The following NWD1 variants were observed in gnomAD, a reference collection of about 807,000 sequenced individuals.
NWD1 encodes the protein NACHT and WD repeat domain containing 1, also known as NACHT domain- and WD repeat-containing protein 1.
In NWD1, 129 loss-of-function variants were observed where a neutral mutation model predicts 135.1. The ratio of observed to expected loss-of-function variants is 0.96; its 90% CI spans 0.83 to 1.11. The LOEUF (loss-of-function observed/expected upper bound fraction) is 1.11, where lower values mean the gene tolerates loss of function less well. Among genes scored for constraint, NWD1 ranks in the 50% least tolerant of loss-of-function variants. The pLI, the probability that NWD1 is intolerant of heterozygous loss-of-function variation, is 0.00. For missense variants in NWD1, 1,740 were observed against 1,851.3 expected (o/e 0.94, Z 1.10); for synonymous variants, 773 against 786.0 (o/e 0.98, Z 0.28).
At chr19:16,797,636 C>A in intron 15 of NWD1, 96 bp from the exon 16 acceptor site, 1 of 1,174,942 alleles carries the variant, frequency 8.5e-7, no homozygotes, top group Non-Finnish European at 1.2e-6. Context: ...GCATGAACCA[C>A]CACATCCGGC....
chr19:16,778,094 G>A (rs74706248), intron 11 of NWD1, among the ~76,000 whole-genome samples: 1 of 151,962 alleles, frequency 6.6e-6, no homozygotes, highest in Non-Finnish European at 1.5e-5. Flanking sequence ...TCTCTGTCCC[G>A]ATGAGGTGGA....
At chr19:16,738,188 T>C (rs1323976169) in intron 4 of NWD1, 1 of 453,126 alleles carries the variant, frequency 2.2e-6, no homozygotes, top group East Asian at 7.0e-5. Flanking sequence ...CCATCTGGCC[T>C]GTAAAGCCAA....
intron 10 of NWD1, among the ~76,000 whole-genome samples, chr19:16,771,137 A>T (rs1969397789): frequency 6.6e-6 from 1 of 151,670 alleles, no homozygotes; most frequent in South Asian, 2.1e-4. Context: ...CTATCTCTGT[A>T]AAAAAAAATT....
chr19:16,755,228 G>A (rs77659325), intron 6 of NWD1, among the ~76,000 whole-genome samples: 2 of 149,690 alleles, frequency 1.3e-5, no homozygotes, highest in African/African-American at 4.9e-5. Flanking sequence ...TCTCTTTTTT[G>A]GGGGGGGACA....
intron 17 of NWD1, among the ~76,000 whole-genome samples, chr19:16,801,970 A>G (rs1033750879): frequency 2.6e-5 from 4 of 151,944 alleles, no homozygotes; most frequent in Non-Finnish European, 5.9e-5. Flanking sequence ...AGCCTGGGCA[A>G]CATGGACCTT....
Position 16,799,976 on chromosome 19 carries a change from G to A in NWD1, c.3550G>A (p.Val1184Met). The A allele has an allele frequency of 6.2e-7, 1 of 1,614,208 alleles. No homozygotes were observed. Among genetic ancestry groups the A allele is most frequent in the Non-Finnish European group, 8.5e-7 (1 of 1,180,026 alleles). The stretch of plus-strand genomic sequence containing the variant: ...CCTGCTGGCCCGCGGCGGGGCTTTG[G>A]TGGCATCTGCTTCCCCACAGTCCTC... ...VSLLARGGALVASASPQSSSF... is the reference protein window; with the variant it reads ...VSLLARGGALMASASPQSSSF... Residue 1184 changes from valine (V) to methionine (M), a missense_variant, in exon 17 of 19, where the codon GTG becomes ATG. Physicochemically the swap from Val to Met is conservative, Grantham distance 21. Transcript: ENST00000524140.
intron 12 of NWD1, among the ~76,000 whole-genome samples, chr19:16,781,389 G>A (rs1294648433): frequency 6.6e-6 from 1 of 152,100 alleles, no homozygotes; most frequent in South Asian, 2.1e-4. Context: ...GCTGAGGCAG[G>A]CAGATCATTT....
At chr19:16,767,504 A>G (rs1055707697) in intron 10 of NWD1, among the ~76,000 whole-genome samples, 5 of 152,118 alleles carry the variant, frequency 3.3e-5, no homozygotes, top group Non-Finnish European at 7.4e-5. Context: ...AGTTCCAGCT[A>G]CTTGAGAGGC....
intron 12 of NWD1, among the ~76,000 whole-genome samples, chr19:16,788,633 A>G (rs1200286725): frequency 2.0e-5 from 3 of 152,038 alleles, no homozygotes; most frequent in Non-Finnish European, 4.4e-5. Flanking sequence ...ACAAAAATCA[A>G]TAATGAGGGT....
In NWD1 at chr19:16,807,988, A is replaced by T. The variant is rs1568397873; in HGVS notation, c.4139A>T (p.Lys1380Ile). 1 of 1,613,946 alleles carries T rather than the reference A, an allele frequency of 6.2e-7. No individual in the cohort carries two copies. Among genetic ancestry groups the T allele is most frequent in the Non-Finnish European group, 8.5e-7 (1 of 1,180,014 alleles). Residue 1380 changes from lysine (K) to isoleucine (I), a missense_variant, in exon 18 of 19, where the codon AAA (lysine) becomes ATA (isoleucine). By Grantham distance (102) the Lys-to-Ile change is moderately radical. Transcript: ENST00000524140. ...DLFLYECATSKAFPLETHRSR... is the reference protein window; with the variant it reads ...DLFLYECATSIAFPLETHRSR... ...TTTCTTTACGAGTGTGCAACTTCCA[A>T]AGCGTTTCCCTTGGAGACCCACAGG... is the stretch of plus-strand genomic sequence containing the variant.
intron 5 of NWD1, among the ~76,000 whole-genome samples, chr19:16,746,674 A>C (rs1357117761): frequency 8.6e-6 from 1 of 116,316 alleles, no homozygotes; most frequent in Non-Finnish European, 1.7e-5. Context: ...TCTGTCTAAA[A>C]ACAAAAAACA....
chr19:16,763,824 C>T lies in NWD1; in HGVS notation c.2134-4C>T. On this transcript the variant is annotated splice_polypyrimidine_tract_variant and splice_region_variant and intron_variant, in intron 8 of 18. Transcript: ENST00000524140. ...AAGCTGCAGTCTCCCTTCTCCTCTG[C>T]CAGGTGGCCCCGCAGCCTCTGTGGT... The T allele has an allele frequency of 6.3e-7, 1 of 1,599,624 alleles. No individual in the cohort carries two copies.
intron 10 of NWD1, among the ~76,000 whole-genome samples, chr19:16,769,365 G>A (rs1192299137): frequency 2.0e-5 from 3 of 151,972 alleles, no homozygotes; most frequent in African/African-American, 7.3e-5. Context: ...GGGAGGCTGA[G>A]GCAGGAGAAT....
At chr19:16,806,982 G>A (rs568470364) in intron 17 of NWD1, among the ~76,000 whole-genome samples, 9 of 151,478 alleles carry the variant, frequency 5.9e-5, no homozygotes, top group Non-Finnish European at 8.8e-5. Context: ...GTGCCACTGC[G>A]CTCCAGCCTG....
chr19:16,734,289 CT>C (rs1967699546), intron 3 of NWD1, among the ~76,000 whole-genome samples: 1 of 152,130 alleles, frequency 6.6e-6, no homozygotes, highest in Non-Finnish European at 1.5e-5. Context: ...TGGCTCATGC[CT>C]GTAATCCCAG....
intron 7 of NWD1, among the ~76,000 whole-genome samples, chr19:16,760,790 A>G (rs1470170970): frequency 1.3e-5 from 2 of 151,958 alleles, no homozygotes; most frequent in Non-Finnish European, 1.5e-5. Flanking sequence ...GGGTTTCACC[A>G]TGTTGGCCAC....
rs75912350 is a variant in NWD1, at chr19:16,797,887, G to A, written c.3459+1G>A. 874 of 1,612,940 alleles carry A rather than the reference G, an allele frequency of 5.4e-4. 8 individuals are homozygous for A. In the African/African-American group the frequency reaches 0.01, roughly 19 times the overall value. On this transcript the variant is annotated splice_donor_variant, in intron 16 of 18. Coordinates refer to ENST00000524140, the MANE Select transcript of NWD1 (RefSeq NM_001007525.5). LOFTEE classifies it high-confidence loss of function. Reference sequence around the variant, plus strand: ...GGGGTCCCTTGATGCGCTCATTCAGGTGAGGGGAGATCTGGGACCCTTCAT... The same window carrying A: ...GGGGTCCCTTGATGCGCTCATTCAGATGAGGGGAGATCTGGGACCCTTCAT...
intron 12 of NWD1, 83 bp downstream of exon 12, chr19:16,779,548 C>A: frequency 1.5e-6 from 2 of 1,321,968 alleles, no homozygotes; most frequent in Admixed American, 3.4e-5. Context: ...AGATTCACTT[C>A]TCTGTATTGA....
Position 16,732,677 on chromosome 19 carries a change from T to TAAAAAAAAAAAAAAAAA in NWD1, c.81+1399_81+1400insAAAAAAAAAAAAAAAAA, listed in dbSNP as rs1464805489. ...CTCAAAAAAAAAAAAAAAGAAAAAG[T>TAAAAAAAAAAAAAAAAA]GAAAAAGTGCAGTGGTGTGATCTCA... On this transcript the variant is annotated intron_variant, in intron 3 of 18. Coordinates refer to ENST00000524140, the MANE Select transcript of NWD1 (RefSeq NM_001007525.5). Among the ~76,000 whole-genome samples, 249 of 85,010 alleles carry TAAAAAAAAAAAAAAAAA rather than the reference T, an allele frequency of 2.9e-3. 27 individuals carry two copies. The highest frequency in any genetic ancestry group is 5.5e-3 in the African/African-American group (89 of 16,132). 55.8% of individuals were successfully genotyped at this position (85,010 alleles called of 152,430 possible).
Sources: allele counts gnomAD v4.1 joint callset (sites outside exome capture counted in the v4.1 genomes callset), GRCh38; gene constraint gnomAD v4.1.1; transcripts MANE v1.5; gene names NCBI Gene and HGNC (gene_info 2026-07-23, HGNC 2026-07-21).